PID1: variants seen among roughly 807,000 people sequenced by gnomAD.
PID1 encodes the protein PTB-containing, cubilin and LRP1-interacting protein.
In PID1, 10 loss-of-function variants were observed where a neutral mutation model predicts 19.1. That is an observed-to-expected ratio of 0.52 (90% CI 0.32 to 0.89). The LOEUF is 0.89. Among genes scored for constraint, PID1 ranks in the 40% least tolerant of loss-of-function variants. PID1 has a pLI of 0.03. For missense variants in PID1, 248 were observed against 285.3 expected, an observed-to-expected ratio of 0.87 and a Z score of 0.94; for synonymous variants, 130 against 116.0, an observed-to-expected ratio of 1.12 and a Z score of -0.78.
chr2:229,179,487 G>A (rs998265429), intron 1 of PID1, among the ~76,000 whole-genome samples: 1 of 151,960 alleles, frequency 6.6e-6, no homozygotes, highest in Non-Finnish European at 1.5e-5. Flanking sequence ...GAGAGAATTT[G>A]GAGGAAAAAA....
chr2:229,187,342 T>C (rs1045924886), intron 1 of PID1, among the ~76,000 whole-genome samples: 2 of 152,194 alleles, frequency 1.3e-5, no homozygotes, highest in African/African-American at 2.4e-5. Context: ...GATAAAGACA[T>C]ACCCGAGACT....
intron 2 of PID1, among the ~76,000 whole-genome samples, chr2:229,105,826 TC>T (rs1695166357): frequency 1.3e-5 from 2 of 152,150 alleles, no homozygotes; most frequent in Non-Finnish European, 2.9e-5. Flanking sequence ...ACGCCTGTAA[TC>T]CCAGCACTTT....
intron 1 of PID1, among the ~76,000 whole-genome samples, chr2:229,230,168 T>G (rs1379738913): frequency 6.6e-6 from 1 of 152,078 alleles, no homozygotes; most frequent in Non-Finnish European, 1.5e-5. Flanking sequence ...TAAAAGAGAG[T>G]AATTGTTTCT....
At chr2:229,142,413 T>C (rs189260057) in intron 2 of PID1, among the ~76,000 whole-genome samples, 2 of 152,190 alleles carry the variant, frequency 1.3e-5, no homozygotes, top group African/African-American at 4.8e-5. Flanking sequence ...GTCTACTAAA[T>C]TGATCATAAT....
intron 1 of PID1, among the ~76,000 whole-genome samples, chr2:229,227,334 A>G (rs1463068965): frequency 6.6e-6 from 1 of 152,234 alleles, no homozygotes; most frequent in Admixed American, 6.5e-5. Flanking sequence ...GCCAGTGGCC[A>G]CTATATTGAA....
intron 2 of PID1, among the ~76,000 whole-genome samples, chr2:229,131,768 G>T (rs752783777): frequency 4.0e-5 from 6 of 151,734 alleles, no homozygotes; most frequent in South Asian, 2.1e-4. Context: ...GATCAGCCAA[G>T]CAACGTTCAC....
intron 1 of PID1, among the ~76,000 whole-genome samples, chr2:229,199,019 C>A (rs1488489941): frequency 6.6e-6 from 1 of 152,072 alleles, no homozygotes; most frequent in Non-Finnish European, 1.5e-5. Flanking sequence ...TAACTCCTGA[C>A]TTTTCTAACC....
At chr2:229,043,529 C>T (rs2215598) in intron 2 of PID1, among the ~76,000 whole-genome samples, 21,357 of 152,158 alleles carry the variant, frequency 0.14, 2,574 homozygotes, top group African/African-American at 0.33. Context: ...TATTTTGAGA[C>T]GAACGGCTAC....
intron 2 of PID1, among the ~76,000 whole-genome samples, chr2:229,094,883 A>C (rs2106222599): frequency 6.6e-6 from 1 of 152,324 alleles, no homozygotes; most frequent in African/African-American, 2.4e-5. Flanking sequence ...CAAAAGAAAA[A>C]AACAAGTACT....
chr2:229,253,771 C>T (rs1690216264), intron 1 of PID1, among the ~76,000 whole-genome samples: 1 of 152,172 alleles, frequency 6.6e-6, no homozygotes, highest in African/African-American at 2.4e-5. Context: ...CCCCACATAT[C>T]ACCTTTTGTG....
chr2:229,152,629 G>A (rs1314840651), intron 2 of PID1, among the ~76,000 whole-genome samples: 1 of 151,374 alleles, frequency 6.6e-6, no homozygotes, highest in African/African-American at 2.4e-5. Flanking sequence ...GCACTGCAGT[G>A]GGTTGTACAG....
intron 2 of PID1, among the ~76,000 whole-genome samples, chr2:229,036,212 C>G (rs1011903660): frequency 6.6e-6 from 1 of 152,118 alleles, no homozygotes; most frequent in Non-Finnish European, 1.5e-5. Context: ...CAGTTGAAAC[C>G]CTCAGAAGGC....
At chr2:229,117,371 A>C (rs776781472) in intron 2 of PID1, among the ~76,000 whole-genome samples, 7 of 152,038 alleles carry the variant, frequency 4.6e-5, no homozygotes, top group Non-Finnish European at 8.8e-5. Context: ...ATCTACCTTC[A>C]CAATCTGGAT....
intron 1 of PID1, among the ~76,000 whole-genome samples, chr2:229,213,926 T>A (rs1012378569): frequency 1.3e-5 from 2 of 152,176 alleles, no homozygotes; most frequent in Non-Finnish European, 2.9e-5. Flanking sequence ...TCAGAGTGCA[T>A]CAGAAATACA....
intron 1 of PID1, among the ~76,000 whole-genome samples, chr2:229,253,264 G>C (rs1180175780): frequency 1.3e-5 from 2 of 152,150 alleles, no homozygotes; most frequent in African/African-American, 4.8e-5. Context: ...TCAGAGATAA[G>C]AGGGATTTGT....
chr2:229,168,236 T>C (rs937093918), intron 1 of PID1, among the ~76,000 whole-genome samples: 1 of 152,178 alleles, frequency 6.6e-6, no homozygotes, highest in African/African-American at 2.4e-5. Flanking sequence ...TTTCAGCCTT[T>C]ATGTCTTCAA....
chr2:229,126,408 C>A (rs1695623824), intron 2 of PID1, among the ~76,000 whole-genome samples: 2 of 151,832 alleles, frequency 1.3e-5, no homozygotes, highest in South Asian at 4.2e-4. Flanking sequence ...GTGCAACCAA[C>A]TGGGAATGGT....
chr2:229,252,605 A>G (rs1309979085), intron 1 of PID1, among the ~76,000 whole-genome samples: 1 of 152,200 alleles, frequency 6.6e-6, no homozygotes, highest in Non-Finnish European at 1.5e-5. Context: ...AGTAGAGAGG[A>G]GACATAAATT....
chr2:229,217,134 G>A (rs2106255011), intron 1 of PID1, among the ~76,000 whole-genome samples: 1 of 152,266 alleles, frequency 6.6e-6, no homozygotes, highest in African/African-American at 2.4e-5. Flanking sequence ...GCCAACTGGG[G>A]ACAGAGCCCA....
Sources: allele counts gnomAD v4.1 joint callset (sites outside exome capture counted in the v4.1 genomes callset), GRCh38; gene constraint gnomAD v4.1.1; transcripts MANE v1.5; gene names NCBI Gene and HGNC (gene_info 2026-07-23, HGNC 2026-07-21).